MGAM2: variants seen among roughly 807,000 people sequenced by gnomAD.
MGAM2 encodes probable maltase-glucoamylase 2.
Under a neutral mutation model 96.1 loss-of-function variants are expected in MGAM2, and 98 were observed. The ratio of observed to expected loss-of-function variants is 1.02; its 90% confidence interval spans 0.87 to 1.21. The LOEUF (loss-of-function observed/expected upper bound fraction) is 1.21, where lower values mean the gene tolerates loss of function less well. MGAM2 is among the 50% of genes most tolerant of loss of function. The pLI, the probability that MGAM2 is intolerant of heterozygous loss-of-function variation, is 0.00. For missense variants in MGAM2, 2,055 were observed against 1,182.4 expected (o/e 1.74, Z -10.82); for synonymous variants, 749 against 414.8 (o/e 1.81, Z -9.79).
rs1797083038 is a variant in MGAM2 at position 142,197,502 on chromosome 7, A to G, written c.4735A>G (p.Lys1579Glu). ...TCCTTATCTCTATACTCTGATGCAT[A>G]AAGCTCACGTTGAGGGCAGCACAGT... Reference protein sequence around the residue: ...LLPYLYTLMHKAHVEGSTVVR... With the variant: ...LLPYLYTLMHEAHVEGSTVVR... Residue 1579 changes from lysine to glutamate, a missense_variant, in exon 41 of 48, where the codon AAA becomes GAA. Lys to Glu is a moderately conservative substitution (Grantham distance 56, BLOSUM62 1). Coordinates refer to ENST00000477922, the MANE Select transcript of MGAM2 (RefSeq NM_001293626.2). 2 of 703,040 alleles carry G rather than the reference A, an allele frequency of 2.8e-6. No individual in the cohort carries two copies. Among genetic ancestry groups the G allele is most frequent in the Admixed American group, 2.0e-5 (1 of 50,000 alleles). The allele number at this position is 703,040 out of a possible 1,614,324, so 43.6% of individuals were successfully genotyped here.
At position 142,173,290 on chromosome 7, in the gene MGAM2, G is replaced by T; in HGVS notation, c.3623G>T (p.Gly1208Val). The T allele has an allele frequency of 1.4e-6, 1 of 703,088 alleles. No homozygotes were observed. The highest frequency in any genetic ancestry group is 2.6e-6 in the Non-Finnish European group (1 of 384,938). The allele number at this position is 703,088 out of a possible 1,614,324, so 43.6% of individuals were successfully genotyped here. The change falls in exon 31 of 48, where the codon GGA becomes GTA. Residue 1208 changes from glycine (G) to valine (V), a missense_variant. Physicochemically the swap from Gly to Val is moderately radical, Grantham distance 109. Coordinates refer to ENST00000477922, the MANE Select transcript of MGAM2 (RefSeq NM_001293626.2). ...TTGGGATTCCATCTGAGTCGCTATG[G>T]ATACCAGAATGATGCTGAAATCTCC... is the stretch of plus-strand genomic sequence containing the variant. Reference protein sequence around the residue: ...WALGFHLSRYGYQNDAEISSL... With the variant: ...WALGFHLSRYVYQNDAEISSL...
Position 142,136,560 on chromosome 7 carries a change from G to A in MGAM2, c.767G>A (p.Gly256Glu), listed in dbSNP as rs1795064475. The A allele has an allele frequency of 1.4e-6, 1 of 701,168 alleles. No individual in the cohort carries two copies. Among genetic ancestry groups the A allele is most frequent in the Non-Finnish European group, 2.6e-6 (1 of 383,944 alleles). The allele number at this position is 701,168 out of a possible 1,614,324, so 43.4% of individuals were successfully genotyped here. Residue 256 changes from glycine to glutamate, a missense_variant, in exon 8 of 48, where the codon GGA becomes GAA. By Grantham distance (98) the Gly-to-Glu change is moderately conservative (BLOSUM62 -2). Coordinates refer to ENST00000477922, the MANE Select transcript of MGAM2 (RefSeq NM_001293626.2). ...TGATAGGGCATGATTAATCTGTATG[G>A]AGCTCATACATTCTTCTTGTGCCTT... ...TPTEGMINLY[G>E]AHTFFLCLED...
At chr7:142,157,495 A>G (rs11772912) in intron 17 of MGAM2, among the ~76,000 whole-genome samples, 45,396 of 150,864 alleles carry the variant, frequency 0.3, 7,085 homozygotes, top group Non-Finnish European at 0.33. Context: ...TGGTTCAAGC[A>G]ATTCTCCTGC....
At chr7:142,161,670 C>T (rs1205278201) in intron 22 of MGAM2, among the ~76,000 whole-genome samples, 1 of 152,056 alleles carries the variant, frequency 6.6e-6, no homozygotes, top group South Asian at 2.1e-4. Context: ...ATTGTGTAGG[C>T]CTTGAGGAAC....
chr7:142,120,811 A>G (rs1794546968), intron 3 of MGAM2, among the ~76,000 whole-genome samples: 1 of 152,184 alleles, frequency 6.6e-6, no homozygotes, highest in African/African-American at 2.4e-5. Context: ...TGAGTCACCT[A>G]CGGAACTCAG....
intron 17 of MGAM2, 89 bp downstream of exon 17, chr7:142,154,934 G>A (rs1416185606): frequency 8.9e-6 from 6 of 673,996 alleles, no homozygotes; most frequent in Non-Finnish European, 1.4e-5. Flanking sequence ...AGTACTACAG[G>A]TTGGCACTAA....
chr7:142,130,088 T>G (rs1040410316), intron 3 of MGAM2, among the ~76,000 whole-genome samples: 2 of 152,036 alleles, frequency 1.3e-5, no homozygotes, highest in Admixed American at 6.6e-5. Context: ...AACCTGAAAA[T>G]TATAAGACCT....
chr7:142,116,047 A>G (rs1817389802), intron 1 of MGAM2, among the ~76,000 whole-genome samples: 1 of 152,196 alleles, frequency 6.6e-6, no homozygotes. Flanking sequence ...ATGGATCTGT[A>G]GACATGTAAT....
intron 37 of MGAM2, among the ~76,000 whole-genome samples, chr7:142,195,046 C>T (rs191634380): frequency 1.2e-4 from 18 of 152,274 alleles, no homozygotes; most frequent in Non-Finnish European, 1.9e-4. Flanking sequence ...GTGTGCAAAA[C>T]ATGTCTCGCT....
chr7:142,141,719 C>T lies in MGAM2; in HGVS notation c.1317+600C>T, dbSNP rs191500647. Among the ~76,000 whole-genome samples the T allele has an allele frequency of 4.5e-3, 683 of 152,126 alleles. 7 individuals are homozygous for T. The highest frequency in any genetic ancestry group is 0.015 in the African/African-American group (637 of 41,498). ...TTCTCCATATTGGCCAGGTTGATCT[C>T]GAACTCCTGACCTCAGGTGATTTGC... is the stretch of plus-strand genomic sequence containing the variant. On this transcript the variant is annotated intron_variant, in intron 12 of 47. Coordinates refer to ENST00000477922, the MANE Select transcript of MGAM2 (RefSeq NM_001293626.2).
At chr7:142,180,007 GC>G (rs989500740) in intron 32 of MGAM2, among the ~76,000 whole-genome samples, 65 of 152,018 alleles carry the variant, frequency 4.3e-4, no homozygotes, top group Middle Eastern at 6.8e-3. Flanking sequence ...TGGTTGGTGG[GC>G]TTTTTATTGC....
intron 46 of MGAM2, 29 bp from the exon 47 acceptor site, chr7:142,218,332 A>G: frequency 1.5e-6 from 1 of 655,098 alleles, no homozygotes; most frequent in Non-Finnish European, 2.8e-6. Context: ...TATGTTATGT[A>G]TTCTTTTCTC....
At chr7:142,176,312 A>T (rs1012601244) in intron 32 of MGAM2, among the ~76,000 whole-genome samples, 2 of 152,224 alleles carry the variant, frequency 1.3e-5, no homozygotes, top group African/African-American at 2.4e-5. Context: ...AGGAAGCCAC[A>T]TCTTGACAAA....
intron 32 of MGAM2, among the ~76,000 whole-genome samples, chr7:142,177,127 A>G (rs1037136738): frequency 2.6e-5 from 4 of 152,208 alleles, no homozygotes; most frequent in Non-Finnish European, 5.9e-5. Context: ...CAATAAAGAC[A>G]TACTTGAGAT....
In MGAM2 at chr7:142,220,510, C is replaced by A. The variant is rs575448244; in HGVS notation, c.5999C>A (p.Thr2000Lys). 7 of 702,436 alleles carry A rather than the reference C, an allele frequency of 1.0e-5. No homozygotes were observed. Among genetic ancestry groups the A allele is most frequent in the African/African-American group, 8.7e-5 (5 of 57,242 alleles). 43.5% of individuals were successfully genotyped at this position (702,436 alleles called of 1,614,324 possible). A position where few individuals can be genotyped will look rare whatever the true frequency, so the allele number is the denominator to read the frequency against. The change falls in exon 48 of 48, where the codon ACA becomes AAA. Residue 2000 changes from threonine (T) to lysine (K), a missense_variant. By Grantham distance (78) the Thr-to-Lys change is moderately conservative. Coordinates refer to ENST00000477922, the MANE Select transcript of MGAM2 (RefSeq NM_001293626.2). ...SVTTSTTVPD[T>K]TAPFPTSTTS... ...ACAACTAGTACTACTGTTCCTGATA[C>A]AACTGCTCCTTTCCCTACAAGTACT...
In MGAM2 at chr7:142,131,992, G is replaced by C. The variant is rs1794902636; in HGVS notation, c.482G>C (p.Gly161Ala). Residue 161 changes from glycine (G) to alanine (A), a missense_variant, in exon 6 of 48, where the codon GGG (glycine) becomes GCG (alanine). Gly to Ala is a moderately conservative substitution (Grantham distance 60, BLOSUM62 0). Transcript: ENST00000477922. ...VSHENINLVD[G>A]IADASNLSYY... ...CATGAAAATATTAACCTGGTTGATG[G>C]GATTGCTGATGCCTCCAATTTGAGC... 1 of 702,768 alleles carries C rather than the reference G, an allele frequency of 1.4e-6. No homozygotes were observed. Among genetic ancestry groups the C allele is most frequent in the African/African-American group, 1.7e-5 (1 of 57,172 alleles). 43.5% of individuals were successfully genotyped at this position (702,768 alleles called of 1,614,324 possible). A position where few individuals can be genotyped will look rare whatever the true frequency, so the allele number is the denominator to read the frequency against.
At position 142,183,324 on chromosome 7, in the gene MGAM2, A is replaced by G. The variant is rs747140333; in HGVS notation, c.3875A>G (p.Asn1292Ser). 2.8e-6 allele frequency: 2 copies of G among 703,420 alleles called. No homozygotes were observed. Among genetic ancestry groups the G allele is most frequent in the Non-Finnish European group, 2.6e-6 (1 of 385,006 alleles). The allele number at this position is 703,420 out of a possible 1,614,324, so 43.6% of individuals were successfully genotyped here. The part of the protein sequence containing the change: ...QYLPFIRGQE[N>S]NVFIKWPDTN... Reference sequence around the variant, plus strand: ...CTCCCATTCATTAGAGGACAGGAAAATAACGTGTTCATCAAATGGCCTGAC... The same window carrying G: ...CTCCCATTCATTAGAGGACAGGAAAGTAACGTGTTCATCAAATGGCCTGAC... Residue 1292 changes from asparagine to serine, a missense_variant, in exon 33 of 48, where the codon AAT becomes AGT. Transcript: ENST00000477922.
Position 142,141,073 on chromosome 7 carries a change from T to C in MGAM2, c.1271T>C (p.Leu424Pro), listed in dbSNP as rs1161234731. The change falls in exon 12 of 48, where the codon CTA (leucine) becomes CCA (proline). Residue 424 changes from leucine (L) to proline (P), a missense_variant. By Grantham distance (98) the Leu-to-Pro change is moderately conservative (BLOSUM62 -3). Transcript: ENST00000477922. Reference sequence around the variant, plus strand: ...TACGAGCCCTATAATAATGGAAGCCTAAAGAGAGTGTGGATCTTGGGGAGC... The same window carrying C: ...TACGAGCCCTATAATAATGGAAGCCCAAAGAGAGTGTGGATCTTGGGGAGC... ...SNYEPYNNGS[L>P]KRVWILGSNG... is the part of the protein sequence containing the mutation. 1 of 701,876 alleles carries C rather than the reference T, an allele frequency of 1.4e-6. No homozygotes were observed. The highest frequency in any genetic ancestry group is 2.6e-6 in the Non-Finnish European group (1 of 384,504). The allele number at this position is 701,876 out of a possible 1,614,324, so 43.5% of individuals were successfully genotyped here. A position where few individuals can be genotyped will look rare whatever the true frequency, so the allele number is the denominator to read the frequency against.
At chr7:142,198,240 G>A (rs778417142) in intron 43 of MGAM2, 45 bp downstream of exon 43, 2 of 690,606 alleles carry the variant, frequency 2.9e-6, no homozygotes, top group African/African-American at 1.8e-5. Flanking sequence ...GTCTATGCAG[G>A]GTGGAGAGGT....
Sources: allele counts gnomAD v4.1 joint callset (sites outside exome capture counted in the v4.1 genomes callset), GRCh38; gene constraint gnomAD v4.1.1; transcripts MANE v1.5; gene names NCBI Gene and HGNC (gene_info 2026-07-23, HGNC 2026-07-21).